Variants in TDRP observed in about 807,000 individuals in gnomAD.
TDRP encodes the protein testis development related protein.
TDRP carries 12 observed loss-of-function variants against 10.5 expected under a neutral mutation model. The ratio of observed to expected loss-of-function variants is 1.15; its 90% CI spans 0.73 to 1.86. The LOEUF (loss-of-function observed/expected upper bound fraction) is 1.86, where lower values mean the gene tolerates loss of function less well. Among genes scored for constraint, TDRP ranks in the 40% most tolerant of loss-of-function variants. The probability of loss-of-function intolerance (pLI) is 0.00; values close to 1 mark genes in which losing one functional copy is unlikely to be tolerated. For missense variants in TDRP, 353 were observed against 229.2 expected (o/e 1.54, Z -3.49); for synonymous variants, 139 against 95.4 (o/e 1.46, Z -2.67).
chr8:529,397 T>C (rs1417670510), intron 1 of TDRP, among the ~76,000 whole-genome samples: 1 of 152,224 alleles, frequency 6.6e-6, no homozygotes, highest in Non-Finnish European at 1.5e-5. Context: ...GAATTTAAAG[T>C]TGTTTGCTCA....
intron 1 of TDRP, among the ~76,000 whole-genome samples, chr8:531,259 C>T (rs1264449722): frequency 1.3e-5 from 2 of 152,032 alleles, no homozygotes; most frequent in Non-Finnish European, 2.9e-5. Flanking sequence ...TTCTGTAATT[C>T]TCATACATCC....
chr8:516,879 A>C (rs1801770267), intron 1 of TDRP, among the ~76,000 whole-genome samples: 1 of 152,234 alleles, frequency 6.6e-6, no homozygotes, highest in Non-Finnish European at 1.5e-5. Flanking sequence ...TCAGCAGGTG[A>C]ATGGATAAGC....
intron 1 of TDRP, among the ~76,000 whole-genome samples, chr8:536,799 G>T (rs908986726): frequency 6.6e-6 from 1 of 152,170 alleles, no homozygotes; most frequent in Non-Finnish European, 1.5e-5. Flanking sequence ...CCAAGCATCA[G>T]TTAAGAGGAG....
chr8:506,603 G>A (rs1049793081), intron 1 of TDRP, among the ~76,000 whole-genome samples: 12 of 152,206 alleles, frequency 7.9e-5, no homozygotes, highest in Admixed American at 3.3e-4. Context: ...GAGAGGTGAC[G>A]GTTCCACCCC....
chr8:525,782 G>C (rs1362026950), intron 1 of TDRP, among the ~76,000 whole-genome samples: 2 of 152,114 alleles, frequency 1.3e-5, no homozygotes, highest in African/African-American at 2.4e-5. Context: ...AGAACAACCA[G>C]AAAACAAGTA....
intron 1 of TDRP, among the ~76,000 whole-genome samples, chr8:541,087 G>C (rs1802484249): frequency 6.6e-6 from 1 of 152,144 alleles, no homozygotes; most frequent in African/African-American, 2.4e-5. Flanking sequence ...GTAGGCAGAA[G>C]TTTTATGACT....
chr8:493,098 A>G (rs577308027), intron 2 of TDRP, among the ~76,000 whole-genome samples: 1 of 152,344 alleles, frequency 6.6e-6, no homozygotes, highest in African/African-American at 2.4e-5. Context: ...TAGATTAAGA[A>G]ACAAGGGAAA....
chr8:496,943 A>G (rs1801153503), intron 1 of TDRP, among the ~76,000 whole-genome samples: 1 of 152,160 alleles, frequency 6.6e-6, no homozygotes, highest in Admixed American at 6.5e-5. Flanking sequence ...CCTTGCTTCC[A>G]TTTCTGCCAT....
chr8:514,468 C>A (rs1340113343), intron 1 of TDRP, among the ~76,000 whole-genome samples: 1 of 152,156 alleles, frequency 6.6e-6, no homozygotes, highest in African/African-American at 2.4e-5. Context: ...CCCACACAAC[C>A]ACAAAACTGG....
At chr8:522,198 C>G (rs1038479454) in intron 1 of TDRP, among the ~76,000 whole-genome samples, 1 of 152,168 alleles carries the variant, frequency 6.6e-6, no homozygotes, top group Non-Finnish European at 1.5e-5. Context: ...ATCCTCTAAA[C>G]GTTTATGTCA....
chr8:541,575 C>A (rs1269289885), intron 1 of TDRP, among the ~76,000 whole-genome samples: 1 of 152,146 alleles, frequency 6.6e-6, no homozygotes, highest in African/African-American at 2.4e-5. Context: ...AATCAAACCA[C>A]CTAATTAAAA....
intron 1 of TDRP, among the ~76,000 whole-genome samples, chr8:502,911 C>T (rs527852757): frequency 1.3e-5 from 2 of 151,872 alleles, no homozygotes; most frequent in East Asian, 1.9e-4. Flanking sequence ...AGAACCTGTG[C>T]CCACCTCAGC....
intron 1 of TDRP, among the ~76,000 whole-genome samples, chr8:514,391 C>A (rs141552719): frequency 6.6e-6 from 1 of 152,192 alleles, no homozygotes; most frequent in Non-Finnish European, 1.5e-5. Context: ...TGTGTGACAA[C>A]TGGAAAGCCA....
Position 490,190 on chromosome 8 carries a change from T to C in TDRP, c.*2209A>G, listed in dbSNP as rs1300279094. Reference sequence around the variant, plus strand: ...GATAACTTCTTTCAAGAAAAGATAATTTTTCTCCCAAAGCACACCAATAAA... The same window carrying C: ...GATAACTTCTTTCAAGAAAAGATAACTTTTCTCCCAAAGCACACCAATAAA... On this transcript the variant is annotated 3_prime_UTR_variant, in exon 3 of 3. Coordinates refer to ENST00000324079, the MANE Select transcript of TDRP (RefSeq NM_001384899.1). The C allele has an allele frequency of 6.6e-6, 1 of 152,194 alleles. No homozygotes were observed. Among genetic ancestry groups the C allele is most frequent in the Non-Finnish European group, 1.5e-5 (1 of 68,038 alleles). The allele number at this position is 152,194 out of a possible 1,614,324, so 9.4% of individuals were successfully genotyped here.
intron 1 of TDRP, among the ~76,000 whole-genome samples, chr8:530,832 T>C (rs1288879603): frequency 6.6e-6 from 1 of 152,176 alleles, no homozygotes; most frequent in Non-Finnish European, 1.5e-5. Context: ...AAATGCACTT[T>C]CCACTCTTCC....
intron 1 of TDRP, among the ~76,000 whole-genome samples, chr8:495,899 G>A (rs1191698739): frequency 6.6e-6 from 1 of 152,174 alleles, no homozygotes; most frequent in Non-Finnish European, 1.5e-5. Context: ...GGACTAAGGG[G>A]TCCCACTTTT....
At chr8:543,970 G>C (rs1344661214) in intron 1 of TDRP, among the ~76,000 whole-genome samples, 6 of 151,860 alleles carry the variant, frequency 4.0e-5, no homozygotes, top group Non-Finnish European at 8.8e-5. Flanking sequence ...AAGGCACACA[G>C]GGCCCACCTG....
chr8:534,230 G>A (rs1002626666), intron 1 of TDRP, among the ~76,000 whole-genome samples: 4 of 152,084 alleles, frequency 2.6e-5, no homozygotes, highest in African/African-American at 7.2e-5. Context: ...TAAGATCATC[G>A]AATATAAAAT....
chr8:504,631 A>T (rs909815274), intron 1 of TDRP, among the ~76,000 whole-genome samples: 9 of 150,512 alleles, frequency 6.0e-5, no homozygotes, highest in Admixed American at 6.0e-4. Context: ...TGGGAATAAG[A>T]AGTCAGCACT....
Sources: allele counts gnomAD v4.1 joint callset (sites outside exome capture counted in the v4.1 genomes callset), GRCh38; gene constraint gnomAD v4.1.1; transcripts MANE v1.5; gene names NCBI Gene and HGNC (gene_info 2026-07-23, HGNC 2026-07-21).